The following ALK variants were observed in gnomAD, a reference collection of about 807,000 sequenced individuals.
ALK encodes the protein ALK receptor tyrosine kinase, also known as ALK tyrosine kinase receptor.
ALK carries 74 observed loss-of-function variants against 163.1 expected under a neutral mutation model. The observed-to-expected ratio is 0.45, with a 90% CI of 0.38 to 0.55. The LOEUF (loss-of-function observed/expected upper bound fraction) is 0.55. Among genes scored for constraint, ALK ranks in the 20% least tolerant of loss-of-function variants. The pLI is 0.00. For synonymous variants in ALK, 960 were observed against 843.2 expected (o/e 1.14, Z -2.40); for missense variants, 2,063 against 2,105.3 (o/e 0.98, Z 0.39).
intron 4 of ALK, among the ~76,000 whole-genome samples, chr2:29,453,629 TA>T (rs1670878600): frequency 6.6e-6 from 1 of 152,108 alleles, no homozygotes; most frequent in Non-Finnish European, 1.5e-5. Context: ...TGCTACATAG[TA>T]GATATTAAAT....
At chr2:29,452,457 T>G (rs1490243604) in intron 4 of ALK, among the ~76,000 whole-genome samples, 1 of 152,154 alleles carries the variant, frequency 6.6e-6, no homozygotes, top group Non-Finnish European at 1.5e-5. Flanking sequence ...TACACTTTCT[T>G]TATAACGCTT....
At chr2:29,812,822 T>C (rs536768975) in intron 1 of ALK, among the ~76,000 whole-genome samples, 2 of 152,350 alleles carry the variant, frequency 1.3e-5, no homozygotes, top group South Asian at 4.1e-4. Flanking sequence ...GGATCACTTA[T>C]CATGTGTTAG....
chr2:29,559,045 C>A (rs185322824), intron 3 of ALK, among the ~76,000 whole-genome samples: 14 of 152,246 alleles, frequency 9.2e-5, no homozygotes, highest in African/African-American at 3.1e-4. Flanking sequence ...CATCCAGTAC[C>A]TAACATACCT....
At chr2:29,356,065 C>G (rs569579921) in intron 5 of ALK, among the ~76,000 whole-genome samples, 1 of 152,242 alleles carries the variant, frequency 6.6e-6, no homozygotes, top group South Asian at 2.1e-4. Flanking sequence ...TTGTTAGACA[C>G]CTGCCCAAGG....
intron 1 of ALK, among the ~76,000 whole-genome samples, chr2:29,877,059 C>A (rs1005641306): frequency 6.6e-6 from 1 of 152,216 alleles, no homozygotes; most frequent in Non-Finnish European, 1.5e-5. Context: ...TCCAATCCAA[C>A]ATATTTACAT....
At chr2:29,635,029 C>T (rs903112697) in intron 3 of ALK, among the ~76,000 whole-genome samples, 3 of 152,124 alleles carry the variant, frequency 2.0e-5, no homozygotes, top group African/African-American at 7.2e-5. Context: ...AATACAATAA[C>T]ATTTGTAATT....
At chr2:29,266,174 C>T (rs536860411) in intron 11 of ALK, among the ~76,000 whole-genome samples, 4 of 152,246 alleles carry the variant, frequency 2.6e-5, no homozygotes, top group South Asian at 2.1e-4. Flanking sequence ...GAGGATTTTT[C>T]GGGCAATCCT....
intron 16 of ALK, among the ~76,000 whole-genome samples, chr2:29,228,102 G>C (rs997967037): frequency 6.6e-6 from 1 of 152,174 alleles, no homozygotes; most frequent in African/African-American, 2.4e-5. Context: ...ATGAGCCCCT[G>C]TGCCCTGAGG....
intron 1 of ALK, among the ~76,000 whole-genome samples, chr2:29,816,039 G>C (rs1664889131): frequency 6.6e-6 from 1 of 152,238 alleles, no homozygotes; most frequent in Non-Finnish European, 1.5e-5. Flanking sequence ...TGTCTCCTTG[G>C]GGTTGGAGGC....
chr2:29,762,960 GCCTATAGT>G (rs1218472341), intron 1 of ALK, among the ~76,000 whole-genome samples: 1 of 151,942 alleles, frequency 6.6e-6, no homozygotes, highest in East Asian at 1.9e-4. Context: ...GGTGATGTAT[GCCTATAGT>G]CCTATCTACT....
intron 2 of ALK, among the ~76,000 whole-genome samples, chr2:29,698,467 T>A (rs967184448): frequency 9.2e-5 from 14 of 152,146 alleles, no homozygotes; most frequent in African/African-American, 3.4e-4. Flanking sequence ...CATTGACAAT[T>A]ATCAGTGCCT....
chr2:29,831,046 A>G (rs1003557866), intron 1 of ALK, among the ~76,000 whole-genome samples: 446 of 30,966 alleles, frequency 0.014, 11 homozygotes, highest in African/African-American at 0.024. Context: ...GGAGGAGGAG[A>G]AGGAGAAGAG....
chr2:29,669,157 T>A (rs1464268587), intron 3 of ALK, among the ~76,000 whole-genome samples: 1 of 152,080 alleles, frequency 6.6e-6, no homozygotes, highest in Non-Finnish European at 1.5e-5. Flanking sequence ...TCTGTTGATT[T>A]TCTGTCTGGA....
At chr2:29,411,683 T>C (rs1476864891) in intron 4 of ALK, among the ~76,000 whole-genome samples, 1 of 152,204 alleles carries the variant, frequency 6.6e-6, no homozygotes, top group African/African-American at 2.4e-5. Context: ...TTCCTTCTCA[T>C]GCAGTTTCCT....
chr2:29,452,888 G>A (rs572741085), intron 4 of ALK, among the ~76,000 whole-genome samples: 6 of 152,292 alleles, frequency 3.9e-5, no homozygotes, highest in South Asian at 2.1e-4. Flanking sequence ...ATTGAGTGAC[G>A]TTGTACCAAA....
chr2:29,834,886 C>T (rs935758296), intron 1 of ALK, among the ~76,000 whole-genome samples: 22 of 152,236 alleles, frequency 1.4e-4, no homozygotes, highest in African/African-American at 5.3e-4. Context: ...CACACCTTCA[C>T]TTCAAATCAT....
At chr2:29,420,491 C>T (rs1019116747) in intron 4 of ALK, among the ~76,000 whole-genome samples, 4 of 151,480 alleles carry the variant, frequency 2.6e-5, no homozygotes, top group African/African-American at 9.8e-5. Context: ...TGGTTGAGGA[C>T]TGATTTTTCC....
intron 4 of ALK, among the ~76,000 whole-genome samples, chr2:29,497,459 A>G (rs991369101): frequency 1.7e-4 from 26 of 152,136 alleles, no homozygotes; most frequent in Non-Finnish European, 2.9e-5. Flanking sequence ...CTAGGTCAGC[A>G]TGGTGCTTGC....
chr2:29,259,647 T>C (rs1665034941), intron 11 of ALK, among the ~76,000 whole-genome samples: 1 of 152,144 alleles, frequency 6.6e-6, no homozygotes, highest in Non-Finnish European at 1.5e-5. Flanking sequence ...TCACTTGCTA[T>C]TTTGCTTAGG....
Sources: gnomAD v4.1 joint callset for allele counts (sites outside exome capture counted in the v4.1 genomes callset) on GRCh38, gnomAD v4.1.1 for gene constraint, MANE v1.5 for transcripts, NCBI Gene and HGNC (gene_info 2026-07-23, HGNC 2026-07-21) for gene names.